Variants in METTL4 observed in about 807,000 individuals in gnomAD.
METTL4 encodes the protein methyltransferase 4, N6-adenosine.
A neutral mutation model predicts 54.0 loss-of-function variants in METTL4; 40 were observed. That is an observed-to-expected ratio of 0.74 (90% CI 0.58 to 0.96). The LOEUF is 0.96. Among genes scored for constraint, METTL4 ranks in the 50% least tolerant of loss-of-function variants. METTL4 has a pLI of 0.00. For missense variants in METTL4, 525 were observed against 549.0 expected (o/e 0.96, Z 0.44); for synonymous variants, 169 against 183.8 (o/e 0.92, Z 0.65).
At chr18:2,554,563 C>G in intron 4 of METTL4, 106 bp downstream of exon 4, 1 of 998,084 alleles carries the variant, frequency 1.0e-6, no homozygotes, top group Non-Finnish European at 1.5e-6. Flanking sequence ...AGTGTCTACC[C>G]TATCCTCATA....
intron 6 of METTL4, among the ~76,000 whole-genome samples, chr18:2,545,324 A>G (rs1422217686): frequency 6.6e-6 from 1 of 152,198 alleles, no homozygotes; most frequent in Admixed American, 6.5e-5. Flanking sequence ...AAACTAATAA[A>G]TGAATTACTA....
chr18:2,548,178 A>T (rs888111714), intron 5 of METTL4, among the ~76,000 whole-genome samples: 2 of 152,172 alleles, frequency 1.3e-5, no homozygotes, highest in African/African-American at 4.8e-5. Context: ...TCATTTTGTA[A>T]AACAAAATCT....
At position 2,564,126 on chromosome 18, in the gene METTL4, G is replaced by A. The variant is rs1043158592; in HGVS notation, c.397-267C>T. Among the ~76,000 whole-genome samples, 12 of 152,074 alleles carry A rather than the reference G, an allele frequency of 7.9e-5. 1 individual carries two copies. The highest frequency in any genetic ancestry group is 3.9e-4 in the Admixed American group (6 of 15,272). On this transcript the variant is annotated intron_variant, in intron 2 of 8. Transcript: ENST00000574538. ...CTATTAATAAGAACTAGTTCTGGCC[G>A]GGCACGGTGGCTCACGCCTGTAATC... is the stretch of plus-strand genomic sequence containing the variant.
At chr18:2,558,147 A>G (rs759630550) in intron 3 of METTL4, among the ~76,000 whole-genome samples, 2 of 152,230 alleles carry the variant, frequency 1.3e-5, no homozygotes, top group Non-Finnish European at 2.9e-5. Context: ...TTTGGAAAGA[A>G]TATGTATAGA....
intron 8 of METTL4, chr18:2,540,011 T>C (rs2071971292): frequency 1.0e-6 from 1 of 979,118 alleles, no homozygotes; most frequent in Non-Finnish European, 1.2e-6. Context: ...CATTTCTTCA[T>C]TTTCAAATTA....
chr18:2,566,712 T>C (rs1383401516), intron 2 of METTL4, 109 bp downstream of exon 2: 5 of 895,834 alleles, frequency 5.6e-6, no homozygotes, highest in Non-Finnish European at 6.2e-6. Flanking sequence ...TTTTGGGTTT[T>C]ACTGATTCTT....
chr18:2,566,900 T>C lies in METTL4; in HGVS notation c.317A>G (p.Lys106Arg), dbSNP rs761704476. 89 of 1,613,376 alleles carry C rather than the reference T, an allele frequency of 5.5e-5. No individual in the cohort carries two copies. The highest frequency in any genetic ancestry group is 1.6e-4 in the Middle Eastern group (1 of 6,076). Reference protein sequence around the residue: ...TKPYITPAVHKECQQSNEKED... With the variant: ...TKPYITPAVHRECQQSNEKED... ...CTTTTCATTACTTTGCTGGCATTCT[T>C]TATGAACAGCTGGAGTTATATAAGG... Residue 106 changes from lysine to arginine, a missense_variant, in exon 2 of 9, where the codon AAA becomes AGA. Physicochemically the swap from Lys to Arg is conservative, Grantham distance 26. Transcript: ENST00000574538.
At position 2,554,980 on chromosome 18, in the gene METTL4, C is replaced by A. The variant is rs199918204; in HGVS notation, c.518G>T (p.Gly173Val). ...TTTTTCAAAAAGTGGATAAAGAAAA[C>A]CACTTTTGAGACCTTCCTGGATCAA... ...LQLIQEGLKSGFLYPLFEKQD... is the reference protein window; with the variant it reads ...LQLIQEGLKSVFLYPLFEKQD... The change falls in exon 4 of 9, where the codon GGT becomes GTT. Residue 173 changes from glycine (G) to valine (V), a missense_variant. Transcript: ENST00000574538. The A allele has an allele frequency of 6.2e-7, 1 of 1,613,984 alleles. No homozygotes were observed. The highest frequency in any genetic ancestry group is 8.5e-7 in the Non-Finnish European group (1 of 1,179,912).
At chr18:2,548,420 A>C (rs958604172) in intron 5 of METTL4, among the ~76,000 whole-genome samples, 26 of 152,108 alleles carry the variant, frequency 1.7e-4, no homozygotes, top group African/African-American at 5.8e-4. Flanking sequence ...AGCTATGTTA[A>C]CCTCTACTGT....
intron 3 of METTL4, among the ~76,000 whole-genome samples, chr18:2,555,910 A>G (rs1017134334): frequency 6.6e-6 from 1 of 151,530 alleles, no homozygotes; most frequent in Non-Finnish European, 1.5e-5. Context: ...CTAAACAGCA[A>G]AAACAAAGGA....
rs146440910 is a variant in METTL4, at chr18:2,543,333, A to G, written c.1273+862T>C. ...GTTTTTTGTTGGTAGAAATTACCAA[A>G]CCAATAAAATATGTATTCCTGAAGA... On this transcript the variant is annotated intron_variant, in intron 8 of 8. Coordinates refer to ENST00000574538, the MANE Select transcript of METTL4 (RefSeq NM_022840.5). Among the ~76,000 whole-genome samples, 692 of 152,324 alleles carry G rather than the reference A, an allele frequency of 4.5e-3. 12 individuals are homozygous for G. The highest frequency in any genetic ancestry group is 0.016 in the African/African-American group (655 of 41,574).
At chr18:2,550,232 T>G (rs1481013459) in intron 5 of METTL4, among the ~76,000 whole-genome samples, 1 of 152,112 alleles carries the variant, frequency 6.6e-6, no homozygotes, top group East Asian at 1.9e-4. Context: ...ATTGGGTTGA[T>G]TTGTGTGGAG....
At chr18:2,568,510 G>A (rs964348888) in intron 1 of METTL4, 5 of 152,268 alleles carry the variant, frequency 3.3e-5, no homozygotes. Context: ...GCAGCACTTT[G>A]GGAGGCCGAG....
At chr18:2,541,812 A>T (rs1380276175) in intron 8 of METTL4, among the ~76,000 whole-genome samples, 7 of 152,198 alleles carry the variant, frequency 4.6e-5, no homozygotes, top group African/African-American at 1.7e-4. Flanking sequence ...AATTTGCATA[A>T]AACAGTTTAA....
chr18:2,541,403 AAG>A (rs1459327035), intron 8 of METTL4, among the ~76,000 whole-genome samples: 2 of 152,218 alleles, frequency 1.3e-5, no homozygotes, highest in Non-Finnish European at 2.9e-5. Flanking sequence ...GGGCAGGAGT[AAG>A]AGAGAAGTGG....
intron 8 of METTL4, 136 bp from the exon 9 acceptor site, chr18:2,539,281 C>G: frequency 1.4e-6 from 1 of 718,336 alleles, no homozygotes; most frequent in South Asian, 1.9e-5. Flanking sequence ...AGGATTTCAT[C>G]ACAGGCTTTA....
At chr18:2,551,099 G>C (rs1394900799) in intron 5 of METTL4, among the ~76,000 whole-genome samples, 2 of 144,660 alleles carry the variant, frequency 1.4e-5, no homozygotes, top group East Asian at 4.0e-4. Flanking sequence ...GGGAGGCGGA[G>C]CTTGCAGTGA....
intron 2 of METTL4, among the ~76,000 whole-genome samples, chr18:2,564,752 A>T (rs1275436117): frequency 1.3e-5 from 2 of 152,242 alleles, no homozygotes; most frequent in Non-Finnish European, 2.9e-5. Context: ...TGTCATCAAG[A>T]TTACATTTAT....
Position 2,552,776 on chromosome 18 carries a change from G to A in METTL4, c.830-12C>T. ...AAATGTTTTCCTATCTGAAAACAAA[G>A]ATACAATTTCAGAAAATACCTTCTC... On this transcript the variant is annotated splice_polypyrimidine_tract_variant and intron_variant, in intron 4 of 8. Coordinates refer to ENST00000574538, the MANE Select transcript of METTL4 (RefSeq NM_022840.5). 1 of 1,582,496 alleles carries A rather than the reference G, an allele frequency of 6.3e-7. No homozygotes were observed. Among genetic ancestry groups the A allele is most frequent in the Non-Finnish European group, 8.7e-7 (1 of 1,154,976 alleles).
Sources: allele counts gnomAD v4.1 joint callset (sites outside exome capture counted in the v4.1 genomes callset), GRCh38; gene constraint gnomAD v4.1.1; transcripts MANE v1.5; gene names NCBI Gene and HGNC (gene_info 2026-07-23, HGNC 2026-07-21).